Variants in ATP2B2 observed in about 807,000 individuals in gnomAD.
ATP2B2 encodes the protein plasma membrane calcium-transporting ATPase 2.
In ATP2B2, 15 loss-of-function variants were observed where a neutral mutation model predicts 120.0. The ratio of observed to expected loss-of-function variants is 0.12; its 90% CI spans 0.08 to 0.19. The LOEUF (loss-of-function observed/expected upper bound fraction) is 0.19, where lower values mean the gene tolerates loss of function less well. ATP2B2 is among the 10% of genes least tolerant of loss of function. ATP2B2 has a pLI of 1.00. For synonymous variants in ATP2B2, 694 were observed against 700.3 expected (o/e 0.99, Z 0.14); for missense variants, 1,045 against 1,719.8 (o/e 0.61, Z 6.94).
At position 10,478,529 on chromosome 3, in the gene ATP2B2, C is replaced by G. The variant is rs1234880704; in HGVS notation, c.-320+26936G>C. 5.9e-5 allele frequency among the ~76,000 whole-genome samples: 9 copies of G among 152,096 alleles called. No individual in the cohort carries two copies. The East Asian group carries it at 1.7e-3, about 29-fold the overall frequency. ...GTGTGAGGTAGGGATTTAGACTCAA[C>G]GTATCTGAAATTCAACCTCTAAGCT... On this transcript the variant is annotated intron_variant, in intron 1 of 22. Coordinates refer to ENST00000360273, the MANE Select transcript of ATP2B2 (RefSeq NM_001001331.4).
intron 2 of ATP2B2, among the ~76,000 whole-genome samples, chr3:10,557,237 T>A (rs1291741125): frequency 2.0e-5 from 3 of 152,232 alleles, no homozygotes; most frequent in Non-Finnish European, 4.4e-5. Flanking sequence ...CCCAGAAATG[T>A]CACCCACTGA....
intron 1 of ATP2B2, among the ~76,000 whole-genome samples, chr3:10,632,412 T>C (rs1363912935): frequency 3.3e-5 from 5 of 152,124 alleles, no homozygotes; most frequent in Admixed American, 3.3e-4. Flanking sequence ...GTATCCTCTA[T>C]GGGGCCTTTA....
chr3:10,362,110 C>A (rs977805999), intron 12 of ATP2B2, among the ~76,000 whole-genome samples: 2 of 152,228 alleles, frequency 1.3e-5, no homozygotes, highest in African/African-American at 4.8e-5. Flanking sequence ...GAGATAAACC[C>A]AAACTCTAGA....
chr3:10,344,210 A>G (rs553532554), intron 18 of ATP2B2, among the ~76,000 whole-genome samples: 17 of 152,072 alleles, frequency 1.1e-4, no homozygotes, highest in African/African-American at 3.9e-4. Context: ...CACCAACTCA[A>G]TCAAAGACCT....
chr3:10,691,261 C>G (rs962042318), intron 1 of ATP2B2, among the ~76,000 whole-genome samples: 1 of 152,110 alleles, frequency 6.6e-6, no homozygotes, highest in African/African-American at 2.4e-5. Context: ...CATACAGTAG[C>G]GATCATAAAA....
chr3:10,524,214 G>A (rs917149844), intron 3 of ATP2B2, among the ~76,000 whole-genome samples: 9 of 152,148 alleles, frequency 5.9e-5, no homozygotes, highest in Non-Finnish European at 8.8e-5. Context: ...GAACGTGGGA[G>A]CCTCTTCAAG....
chr3:10,367,394 G>C (rs2061095260), intron 12 of ATP2B2, among the ~76,000 whole-genome samples: 1 of 152,076 alleles, frequency 6.6e-6, no homozygotes, highest in African/African-American at 2.4e-5. Context: ...CTAGCTGCGA[G>C]ATGGGAATGG....
intron 2 of ATP2B2, among the ~76,000 whole-genome samples, chr3:10,429,834 G>A (rs1452119381): frequency 7.2e-5 from 11 of 152,198 alleles, no homozygotes; most frequent in South Asian, 6.2e-4. Context: ...TGCTACTCCC[G>A]TGAACACCTG....
At chr3:10,421,727 C>A (rs1432038147) in intron 2 of ATP2B2, among the ~76,000 whole-genome samples, 1 of 152,182 alleles carries the variant, frequency 6.6e-6, no homozygotes, top group Non-Finnish European at 1.5e-5. Flanking sequence ...CTCCTCCTGC[C>A]TCACCTCTAG....
chr3:10,705,163 T>G (rs144793520), intron 1 of ATP2B2, among the ~76,000 whole-genome samples: 46 of 152,368 alleles, frequency 3.0e-4, no homozygotes, highest in African/African-American at 9.4e-4. Flanking sequence ...ACAAATTCTC[T>G]CTTTGCTCTC....
At chr3:10,640,732 C>A (rs1401766681) in intron 1 of ATP2B2, among the ~76,000 whole-genome samples, 1 of 152,140 alleles carries the variant, frequency 6.6e-6, no homozygotes, top group Non-Finnish European at 1.5e-5. Context: ...CTGCCTCCTG[C>A]CTGCTTTCCT....
intron 1 of ATP2B2, among the ~76,000 whole-genome samples, chr3:10,453,781 G>T (rs566428217): frequency 6.6e-6 from 1 of 152,256 alleles, no homozygotes; most frequent in Non-Finnish European, 1.5e-5. Flanking sequence ...GCATGAGTTA[G>T]TGGGCTACTG....
At chr3:10,677,670 C>T (rs920601479) in intron 1 of ATP2B2, among the ~76,000 whole-genome samples, 1 of 152,028 alleles carries the variant, frequency 6.6e-6, no homozygotes, top group African/African-American at 2.4e-5. Flanking sequence ...CCTATGCCTT[C>T]CTTTCAATTT....
chr3:10,345,641 A>G lies in ATP2B2; in HGVS notation c.2512-66T>C, dbSNP rs2060409744. ...GGAGGTGACCACTTCTAGCATCACC[A>G]TCCTCACTCCCTCCACTTCCTCAGT... On this transcript the variant is annotated intron_variant, in intron 17 of 22. Coordinates refer to ENST00000360273, the MANE Select transcript of ATP2B2 (RefSeq NM_001001331.4). 10 of 1,470,776 alleles carry G rather than the reference A, an allele frequency of 6.8e-6. No homozygotes were observed. The South Asian group carries it at 1.1e-4, about 16-fold the overall frequency. 91.1% of individuals were successfully genotyped at this position (1,470,776 alleles called of 1,614,324 possible).
rs1251660362 is a variant in ATP2B2 at position 10,532,845 on chromosome 3, C to T, written c.-320+1194G>A. ...ACTCATCTTCAGGCAGGCACAAAGG[C>T]AGTAGGAAGCCAGTGATGCTTGCTT... On this transcript the variant is annotated intron_variant, in intron 3 of 21. Coordinates refer to the ATP2B2 transcript ENST00000646379. 5.3e-5 allele frequency among the ~76,000 whole-genome samples: 8 copies of T among 152,220 alleles called. No homozygotes were observed. In the East Asian group the frequency reaches 1.5e-3, roughly 29 times the overall value.
intron 1 of ATP2B2, among the ~76,000 whole-genome samples, chr3:10,660,879 C>T (rs1196544121): frequency 2.0e-5 from 3 of 152,150 alleles, no homozygotes; most frequent in Non-Finnish European, 4.4e-5. Flanking sequence ...TCCAGCAGCA[C>T]ATCAAAAAGC....
At chr3:10,561,633 T>C (rs2067905377) in intron 2 of ATP2B2, among the ~76,000 whole-genome samples, 2 of 152,220 alleles carry the variant, frequency 1.3e-5, no homozygotes, top group Middle Eastern at 3.2e-3. Context: ...TAGTGGGAGA[T>C]AACTGAATCA....
At position 10,703,140 on chromosome 3, in the gene ATP2B2, A is replaced by T. The variant is rs116551647; in HGVS notation, c.-460+4775T>A. 5.5e-3 allele frequency among the ~76,000 whole-genome samples: 834 copies of T among 152,298 alleles called. 5 individuals are homozygous for T. The highest frequency in any genetic ancestry group is 8.5e-3 in the Non-Finnish European group (580 of 68,020). On this transcript the variant is annotated intron_variant, in intron 1 of 21. Transcript: ENST00000646379. ...GGTCTCTCCCCTGGAGACAATCCTC[A>T]GCGGCTCACTCCAGCCTTTGCCCGC...
intron 2 of ATP2B2, among the ~76,000 whole-genome samples, chr3:10,444,720 G>C (rs982744165): frequency 2.6e-4 from 39 of 152,206 alleles, no homozygotes; most frequent in African/African-American, 9.4e-4. Context: ...CAGGAAGTGA[G>C]CAATGAGGGC....
Sources: allele counts gnomAD v4.1 joint callset (sites outside exome capture counted in the v4.1 genomes callset), GRCh38; gene constraint gnomAD v4.1.1; transcripts MANE v1.5; gene names NCBI Gene and HGNC (gene_info 2026-07-23, HGNC 2026-07-21).